The following SLC9A7 variants were observed in gnomAD, a reference collection of about 807,000 sequenced individuals.
The protein encoded by SLC9A7 is solute carrier family 9 member A7.
In SLC9A7, 19 loss-of-function variants were observed where a neutral mutation model predicts 52.6. That is an observed-to-expected ratio of 0.36 (90% CI 0.25 to 0.53). The LOEUF is 0.53. Among genes scored for constraint, SLC9A7 ranks in the 20% least tolerant of loss-of-function variants. The pLI, the probability that SLC9A7 is intolerant of heterozygous loss-of-function variation, is 0.91. For missense variants in SLC9A7, 455 were observed against 597.9 expected, an observed-to-expected ratio of 0.76 and a Z score of 2.49; for synonymous variants, 226 against 252.1, an observed-to-expected ratio of 0.90 and a Z score of 0.98.
At chrX:46,712,986 T>G (rs896160237) in intron 1 of SLC9A7, among the ~76,000 whole-genome samples, 4 of 112,342 alleles carry the variant, frequency 3.6e-5, no homozygotes, top group Non-Finnish European at 5.6e-5. Flanking sequence ...TTTTTGTTAT[T>G]GTAATCAAGC....
chrX:46,625,366 G>A (rs895436772), intron 14 of SLC9A7, among the ~76,000 whole-genome samples: 18 of 109,800 alleles, frequency 1.6e-4, no homozygotes, highest in African/African-American at 5.7e-4. Context: ...TTTGTGGATG[G>A]ACTTAAGGTT....
intron 1 of SLC9A7, among the ~76,000 whole-genome samples, chrX:46,716,806 A>T (rs766945326): frequency 2.2e-3 from 250 of 111,815 alleles, no homozygotes; most frequent in Middle Eastern, 4.6e-3. Flanking sequence ...TTATTTATTT[A>T]TTTTTTCCTG....
intron 14 of SLC9A7, among the ~76,000 whole-genome samples, chrX:46,621,850 G>A (rs1408118032): frequency 8.9e-6 from 1 of 112,253 alleles, no homozygotes; most frequent in Non-Finnish European, 1.9e-5. Flanking sequence ...TACTAGGGCT[G>A]TGCAAGCACA....
At chrX:46,679,826 T>C in intron 2 of SLC9A7, 71 bp from the exon 3 acceptor site, 1 of 651,042 alleles carries the variant, frequency 1.5e-6, no homozygotes, top group South Asian at 2.8e-5. Context: ...ATCTGCTTAA[T>C]ATTTGAAGCC....
chrX:46,672,463 T>C (rs1944040102), intron 4 of SLC9A7, 88 bp downstream of exon 4: 1 of 687,808 alleles, frequency 1.5e-6, no homozygotes, highest in Non-Finnish European at 2.3e-6. Flanking sequence ...TCATCAAAAA[T>C]ATCAAAATAC....
intron 12 of SLC9A7, among the ~76,000 whole-genome samples, chrX:46,640,360 T>C (rs918990142): frequency 5.4e-5 from 6 of 112,129 alleles, no homozygotes; most frequent in African/African-American, 1.6e-4. Flanking sequence ...CATTGGCAAA[T>C]AAAACCTCAA....
At chrX:46,746,120 T>C (rs1331340885) in intron 1 of SLC9A7, among the ~76,000 whole-genome samples, 1 of 108,983 alleles carries the variant, frequency 9.2e-6, no homozygotes, top group Non-Finnish European at 1.9e-5. Context: ...AGGTCAGGAG[T>C]TTGAGACCAG....
chrX:46,621,108 A>C, intron 14 of SLC9A7, 49 bp from the exon 15 acceptor site: 168 of 871,910 alleles, frequency 1.9e-4, no homozygotes, highest in Non-Finnish European at 2.5e-4. Flanking sequence ...AAGGGATCTC[A>C]AAGAAAGGGG....
At position 46,662,172 on chromosome X, in the gene SLC9A7, CAA is replaced by C. The variant is rs780339041; in HGVS notation, c.900-17_900-16del. The C allele has an allele frequency of 6.0e-5, 72 of 1,194,685 alleles. No individual in the cohort carries two copies. Among genetic ancestry groups the C allele is most frequent in the Non-Finnish European group, 7.3e-5 (65 of 887,870 alleles). ...CAACAATAGACCTAAAGTTTAAAAA[CAA>C]GAGACAGTTTTAAAAGACTGCACAG... On this transcript the variant is annotated splice_polypyrimidine_tract_variant and intron_variant, in intron 6 of 16. Transcript: ENST00000616978.
At chrX:46,730,672 ATATATATATAT>A (rs1945018893) in intron 1 of SLC9A7, among the ~76,000 whole-genome samples, 1 of 16,393 alleles carries the variant, frequency 6.1e-5, no homozygotes, top group African/African-American at 3.9e-4. Context: ...AAAAAAAATT[ATATATATATAT>A]ATATATATAT....
intron 12 of SLC9A7, among the ~76,000 whole-genome samples, chrX:46,641,083 A>T (rs1320509395): frequency 8.9e-6 from 1 of 112,848 alleles, no homozygotes; most frequent in Non-Finnish European, 1.9e-5. Context: ...CCTACACAAG[A>T]ATATTCACAG....
intron 1 of SLC9A7, among the ~76,000 whole-genome samples, chrX:46,757,205 C>T (rs1260630636): frequency 8.9e-6 from 1 of 112,161 alleles, no homozygotes; most frequent in African/African-American, 3.2e-5. Context: ...TCTCAGGAAA[C>T]CTCCCAGCTT....
At chrX:46,645,557 G>A (rs1490538120) in intron 11 of SLC9A7, among the ~76,000 whole-genome samples, 2 of 110,596 alleles carry the variant, frequency 1.8e-5, no homozygotes, top group African/African-American at 3.3e-5. Flanking sequence ...TAACCTAAAC[G>A]GTGAAAATTA....
chrX:46,660,286 T>C (rs772393007), intron 7 of SLC9A7, among the ~76,000 whole-genome samples: 1 of 111,410 alleles, frequency 9.0e-6, no homozygotes, highest in Non-Finnish European at 1.9e-5. Context: ...AACCTAGGCA[T>C]TACCATTCAG....
intron 1 of SLC9A7, 108 bp downstream of exon 1, chrX:46,758,596 TA>T: frequency 2.1e-6 from 1 of 466,182 alleles, no homozygotes. Flanking sequence ...GCGGGAAACG[TA>T]AAAGAAACGG....
At chrX:46,667,464 C>T (rs1387069346) in intron 5 of SLC9A7, among the ~76,000 whole-genome samples, 3 of 111,111 alleles carry the variant, frequency 2.7e-5, no homozygotes, top group Non-Finnish European at 5.7e-5. Context: ...AACCATTAGC[C>T]ACATGTGGCT....
chrX:46,668,299 T>C, intron 5 of SLC9A7, among the ~76,000 whole-genome samples: 2 of 111,086 alleles, frequency 1.8e-5, no homozygotes. Context: ...CACCTGAGGT[T>C]GGGAGTTTGA....
chrX:46,670,748 C>G (rs1362590323), intron 4 of SLC9A7, among the ~76,000 whole-genome samples: 1 of 112,181 alleles, frequency 8.9e-6, no homozygotes, highest in African/African-American at 3.2e-5. Flanking sequence ...TAACTTAATG[C>G]TTGCCTATTG....
At chrX:46,742,941 ACTC>A (rs1921466388) in intron 1 of SLC9A7, among the ~76,000 whole-genome samples, 1 of 109,780 alleles carries the variant, frequency 9.1e-6, no homozygotes, top group Non-Finnish European at 1.9e-5. Flanking sequence ...AATCCCAACT[ACTC>A]AGGAGGCTGA....
Sources: gnomAD v4.1 joint callset for allele counts (sites outside exome capture counted in the v4.1 genomes callset) on GRCh38, gnomAD v4.1.1 for gene constraint, MANE v1.5 for transcripts, NCBI Gene and HGNC (gene_info 2026-07-23, HGNC 2026-07-21) for gene names.